The following UHRF2 variants were observed in gnomAD, a reference collection of about 807,000 sequenced individuals.
UHRF2 encodes the protein ubiquitin like with PHD and ring finger domains 2.
A neutral mutation model predicts 96.8 loss-of-function variants in UHRF2; 23 were observed. The ratio of observed to expected loss-of-function variants is 0.24; its 90% confidence interval spans 0.17 to 0.34. The LOEUF is 0.34. UHRF2 is among the 10% of genes least tolerant of loss of function. The pLI is 1.00. For missense variants in UHRF2, 685 were observed against 981.5 expected (o/e 0.70, Z 4.04); for synonymous variants, 385 against 332.6 (o/e 1.16, Z -1.72).
Position 6,421,053 on chromosome 9 carries a change from G to A in UHRF2, c.295G>A (p.Val99Ile), listed in dbSNP as rs774292289. The A allele has an allele frequency of 6.2e-7, 1 of 1,614,100 alleles. No homozygotes were observed. The change falls in exon 2 of 16, where the codon GTA (valine) becomes ATA (isoleucine). Residue 99 changes from valine to isoleucine, a missense_variant. By Grantham distance (29) the Val-to-Ile change is conservative (BLOSUM62 3). Around this residue, in one of 6 missense-constraint regions of UHRF2, gnomAD observed 391 missense variants for 437.0 expected, o/e 0.89. Coordinates refer to ENST00000276893, the MANE Select transcript of UHRF2 (RefSeq NM_152896.3). ...AKPCSNSPPK[V>I]KKAPRVGPSN... ...ACCCTGTTCTAATAGTCCACCTAAA[G>A]TAAAGAAAGCTCCGAGGGTAGGACC...
intron 2 of UHRF2, among the ~76,000 whole-genome samples, chr9:6,428,861 T>A (rs1820414502): frequency 6.6e-6 from 1 of 151,922 alleles, no homozygotes; most frequent in African/African-American, 2.4e-5. Context: ...CATTTTAAAA[T>A]TTGTGATTAA....
intron 2 of UHRF2, among the ~76,000 whole-genome samples, chr9:6,432,020 T>G (rs1241065125): frequency 6.6e-6 from 1 of 152,240 alleles, no homozygotes; most frequent in Non-Finnish European, 1.5e-5. Context: ...TATTTTCATT[T>G]TTACTGTGTT....
At chr9:6,502,132 T>G (rs1816323156) in intron 14 of UHRF2, among the ~76,000 whole-genome samples, 1 of 152,208 alleles carries the variant, frequency 6.6e-6, no homozygotes, top group Non-Finnish European at 1.5e-5. Flanking sequence ...TAGCCAACAG[T>G]GACTTTAAAT....
chr9:6,432,330 TG>T (rs1007510402), intron 2 of UHRF2, among the ~76,000 whole-genome samples: 23 of 152,228 alleles, frequency 1.5e-4, no homozygotes, highest in Non-Finnish European at 1.5e-5. Flanking sequence ...TTGTTTAGTC[TG>T]TATTCTTTCT....
intron 3 of UHRF2, among the ~76,000 whole-genome samples, chr9:6,439,092 G>A (rs1431546183): frequency 1.3e-5 from 2 of 152,176 alleles, no homozygotes; most frequent in African/African-American, 4.8e-5. Flanking sequence ...AACAGGTTAT[G>A]TTAAGAGATT....
intron 5 of UHRF2, among the ~76,000 whole-genome samples, chr9:6,475,864 A>G (rs770428190): frequency 3.9e-5 from 6 of 152,290 alleles, no homozygotes; most frequent in East Asian, 1.9e-4. Flanking sequence ...CAAACATTCT[A>G]TCATTTTTTG....
chr9:6,449,284 C>T (rs1012867773), intron 3 of UHRF2: 4 of 152,250 alleles, frequency 2.6e-5, no homozygotes, highest in African/African-American at 9.7e-5. Flanking sequence ...CCAAGTGTGA[C>T]AGTGCTTCTG....
chr9:6,421,160 G>C lies in UHRF2; in HGVS notation c.384+18G>C, dbSNP rs768273757. On this transcript the variant is annotated intron_variant, in intron 2 of 15. Transcript: ENST00000276893. The stretch of plus-strand genomic sequence containing the variant: ...TATATAAGGTATGTTGTTTTCTTCA[G>C]ACTTACTGTTGTGAGAATACAAATA... 9 of 1,547,906 alleles carry C rather than the reference G, an allele frequency of 5.8e-6. 1 individual carries two copies. Among genetic ancestry groups the C allele is most frequent in the Non-Finnish European group, 5.3e-6 (6 of 1,126,302 alleles).
rs1587856961 is a variant in UHRF2, at chr9:6,482,009, T to G, written c.1302T>G (p.Gly434=). Reference sequence around the variant, plus strand: ...TCTTGTAGGGAATGGCTTGTGTTGGTCGTACGAGAGAATGTACTATTGTCC... The same window carrying G: ...TCTTGTAGGGAATGGCTTGTGTTGGGCGTACGAGAGAATGTACTATTGTCC... ...RDWGRGMACV[G]RTRECTIVPS... The change falls in exon 8 of 16, where the codon GGT becomes GGG. Residue 434 remains glycine (G), a synonymous_variant. Coordinates refer to ENST00000276893, the MANE Select transcript of UHRF2 (RefSeq NM_152896.3). 1 of 1,613,938 alleles carries G rather than the reference T, an allele frequency of 6.2e-7. No homozygotes were observed. The highest frequency in any genetic ancestry group is 8.5e-7 in the Non-Finnish European group (1 of 1,179,920).
chr9:6,473,159 A>G (rs1158693550), intron 4 of UHRF2, among the ~76,000 whole-genome samples: 4 of 152,200 alleles, frequency 2.6e-5, no homozygotes, highest in Non-Finnish European at 5.9e-5. Context: ...GAGTCCCACA[A>G]AGTCTGCTAA....
chr9:6,453,018 C>G (rs1367487746), intron 3 of UHRF2, among the ~76,000 whole-genome samples: 1 of 152,136 alleles, frequency 6.6e-6, no homozygotes, highest in Non-Finnish European at 1.5e-5. Flanking sequence ...AATTGACTTA[C>G]TGTCTCCTTG....
chr9:6,481,370 G>A (rs756341299), intron 6 of UHRF2, among the ~76,000 whole-genome samples: 2 of 152,150 alleles, frequency 1.3e-5, no homozygotes, highest in Non-Finnish European at 2.9e-5. Flanking sequence ...TAAGTTTAGA[G>A]TTCATGGTAT....
chr9:6,415,574 C>A (rs1192390989), intron 1 of UHRF2: 3 of 152,302 alleles, frequency 2.0e-5, no homozygotes, highest in African/African-American at 7.2e-5. Flanking sequence ...CTGTAAAATA[C>A]CATGTCCTCA....
At chr9:6,502,110 A>G (rs1459157419) in intron 14 of UHRF2, among the ~76,000 whole-genome samples, 1 of 152,214 alleles carries the variant, frequency 6.6e-6, no homozygotes, top group East Asian at 1.9e-4. Flanking sequence ...TAAGCCAGAA[A>G]AAAACAGGTG....
chr9:6,474,531 C>G (rs1355787364), intron 4 of UHRF2, among the ~76,000 whole-genome samples: 1 of 152,070 alleles, frequency 6.6e-6, no homozygotes, highest in Non-Finnish European at 1.5e-5. Context: ...CATGGTGAAA[C>G]CCTGTCTCTA....
At chr9:6,441,690 T>A (rs1044997486) in intron 3 of UHRF2, among the ~76,000 whole-genome samples, 10 of 151,982 alleles carry the variant, frequency 6.6e-5, no homozygotes, top group Admixed American at 2.6e-4. Flanking sequence ...CTGAAGAATC[T>A]GAGCATTCAT....
At chr9:6,461,919 C>G (rs969858524) in intron 4 of UHRF2, among the ~76,000 whole-genome samples, 1 of 151,056 alleles carries the variant, frequency 6.6e-6, no homozygotes, top group African/African-American at 2.4e-5. Flanking sequence ...TTGTGCATTT[C>G]TTTTCTTTAG....
rs1449417029 is a variant in UHRF2 at position 6,422,574 on chromosome 9, T to C, written c.384+1432T>C. ...TCTTTACAATGTTGAGTCTTTTAAT[T>C]CATGAACATTAAAAGACTTGACTTC... On this transcript the variant is annotated intron_variant, in intron 2 of 15. Coordinates refer to ENST00000276893, the MANE Select transcript of UHRF2 (RefSeq NM_152896.3). 3 of 523,624 alleles carry C rather than the reference T, an allele frequency of 5.7e-6. No homozygotes were observed. The African/African-American group carries it at 5.9e-5, about 10-fold the overall frequency. The allele number at this position is 523,624 out of a possible 1,614,324, so 32.4% of individuals were successfully genotyped here. A position where few individuals can be genotyped will look rare whatever the true frequency, so the allele number is the denominator to read the frequency against.
intron 14 of UHRF2, among the ~76,000 whole-genome samples, chr9:6,504,015 C>CTTTTTTTTTTTT (rs35325264): frequency 2.5e-5 from 2 of 78,958 alleles, no homozygotes; most frequent in African/African-American, 1.2e-4. Context: ...AAATAGAAGA[C>CTTTTTTTTTTTT]TTTTTTTTTT....
Sources: allele counts gnomAD v4.1 joint callset (sites outside exome capture counted in the v4.1 genomes callset), GRCh38; gene constraint gnomAD v4.1.1; regional missense constraint gnomAD v4.1.1; transcripts MANE v1.5; gene names NCBI Gene and HGNC (gene_info 2026-07-23, HGNC 2026-07-21).